Variants in SCFD2 observed in about 807,000 individuals in gnomAD.
The protein encoded by SCFD2 is sec1 family domain containing 2.
SCFD2 carries 54 observed loss-of-function variants against 58.9 expected under a neutral mutation model. The observed-to-expected ratio is 0.92, with a 90% CI of 0.74 to 1.15. The LOEUF is 1.15. Ranked by LOEUF, SCFD2 falls within the 50% of genes most tolerant of loss-of-function variation. The pLI, the probability that SCFD2 is intolerant of heterozygous loss-of-function variation, is 0.00. For missense variants in SCFD2, 805 were observed against 836.6 expected (o/e 0.96, Z 0.47); for synonymous variants, 321 against 335.9 (o/e 0.96, Z 0.49).
At chr4:52,962,166 G>A (rs1035933273) in intron 5 of SCFD2, among the ~76,000 whole-genome samples, 2 of 152,144 alleles carry the variant, frequency 1.3e-5, no homozygotes, top group Admixed American at 6.5e-5. Flanking sequence ...CCTGCATATG[G>A]GTTGGACAAG....
chr4:52,897,224 T>C (rs1719042304), intron 7 of SCFD2, among the ~76,000 whole-genome samples: 1 of 152,244 alleles, frequency 6.6e-6, no homozygotes, highest in African/African-American at 2.4e-5. Flanking sequence ...AGGGCATCCC[T>C]GTCTTGTGCC....
chr4:53,234,687 T>C (rs1429512908), intron 4 of SCFD2, among the ~76,000 whole-genome samples: 1 of 152,224 alleles, frequency 6.6e-6, no homozygotes, highest in Admixed American at 6.5e-5. Flanking sequence ...ACACCCAGAA[T>C]CTGGCGACGT....
At chr4:53,005,908 C>G (rs563454793) in intron 5 of SCFD2, among the ~76,000 whole-genome samples, 24 of 152,210 alleles carry the variant, frequency 1.6e-4, no homozygotes, top group African/African-American at 5.5e-4. Flanking sequence ...AGAACTTGCC[C>G]TTTAATAAGC....
chr4:53,180,872 C>A (rs1316726886), intron 4 of SCFD2, among the ~76,000 whole-genome samples: 6 of 152,178 alleles, frequency 3.9e-5, no homozygotes, highest in African/African-American at 1.4e-4. Context: ...ACACTATAAA[C>A]ACCTCTACGC....
chr4:53,348,706 C>T (rs553875075), intron 2 of SCFD2, among the ~76,000 whole-genome samples: 3 of 150,840 alleles, frequency 2.0e-5, no homozygotes, highest in South Asian at 2.1e-4. Context: ...ATCTTTGACA[C>T]TTATGACCAT....
intron 5 of SCFD2, among the ~76,000 whole-genome samples, chr4:53,054,581 A>C (rs940261889): frequency 3.3e-5 from 5 of 152,142 alleles, no homozygotes; most frequent in Non-Finnish European, 7.4e-5. Context: ...CTTCTAGAAT[A>C]TAAGAAGCCA....
Position 53,073,382 on chromosome 4 carries a change from A to G in SCFD2, c.1561+71951T>C, listed in dbSNP as rs575826544. ...CTCTGGAAATGCACAAGGCTTTGAAACTTTTTCACTTTCTATTGCTTGGAT... is the reference window on the plus strand; with the variant it reads ...CTCTGGAAATGCACAAGGCTTTGAAGCTTTTTCACTTTCTATTGCTTGGAT... On this transcript the variant is annotated intron_variant, in intron 5 of 8. Transcript: ENST00000401642. 3.3e-5 allele frequency among the ~76,000 whole-genome samples: 5 copies of G among 152,198 alleles called. No homozygotes were observed. The South Asian group carries it at 1.0e-3, about 32-fold the overall frequency.
intron 5 of SCFD2, among the ~76,000 whole-genome samples, chr4:52,977,221 C>A (rs976855467): frequency 2.0e-5 from 3 of 152,092 alleles, no homozygotes; most frequent in Non-Finnish European, 4.4e-5. Flanking sequence ...ATAAGAAATT[C>A]AATTGTTTTT....
chr4:53,260,030 G>T lies in SCFD2; in HGVS notation c.1311+13796C>A, dbSNP rs565019586. Among the ~76,000 whole-genome samples the T allele has an allele frequency of 2.0e-5, 3 of 151,564 alleles. No homozygotes were observed. The East Asian group carries it at 5.8e-4, about 29-fold the overall frequency. On this transcript the variant is annotated intron_variant, in intron 4 of 8. Transcript: ENST00000401642. ...TTGCTTCTCAGCTTGGTCGCTGCTG[G>T]TGTATAGCAAGGTATATAGTGGTTT...
At chr4:53,364,327 T>C (rs1427961803) in intron 1 of SCFD2, among the ~76,000 whole-genome samples, 1 of 152,216 alleles carries the variant, frequency 6.6e-6, no homozygotes, top group Non-Finnish European at 1.5e-5. Context: ...TTCCGATTAT[T>C]CTCCCTGGAC....
intron 5 of SCFD2, among the ~76,000 whole-genome samples, chr4:52,954,490 T>C (rs890705097): frequency 1.3e-5 from 2 of 152,182 alleles, no homozygotes; most frequent in Non-Finnish European, 2.9e-5. Context: ...TAATCTTAAC[T>C]TGAAAATATT....
chr4:53,006,419 T>C (rs1488068035), intron 5 of SCFD2, among the ~76,000 whole-genome samples: 2 of 152,190 alleles, frequency 1.3e-5, no homozygotes, highest in African/African-American at 2.4e-5. Context: ...TCATCAAAAA[T>C]AGGGGCAATA....
At chr4:53,002,924 A>C (rs1021399686) in intron 5 of SCFD2, among the ~76,000 whole-genome samples, 9 of 152,210 alleles carry the variant, frequency 5.9e-5, no homozygotes, top group African/African-American at 2.2e-4. Context: ...GATATCTTAC[A>C]TGGTGGGAGT....
chr4:52,956,475 A>G (rs985677490), intron 5 of SCFD2: 1 of 343,910 alleles, frequency 2.9e-6, no homozygotes, highest in African/African-American at 2.2e-5. Flanking sequence ...GGACAGTGCA[A>G]CGAGGACTTG....
chr4:52,959,927 T>TACACACACACACAC (rs773748716), intron 5 of SCFD2, among the ~76,000 whole-genome samples: 24 of 116,030 alleles, frequency 2.1e-4, no homozygotes, highest in African/African-American at 4.9e-4. Flanking sequence ...CACACACACT[T>TACACACACACACAC]GAATCACCTA....
intron 4 of SCFD2, among the ~76,000 whole-genome samples, chr4:53,212,750 T>A (rs1309308471): frequency 6.6e-6 from 1 of 152,024 alleles, no homozygotes; most frequent in African/African-American, 2.4e-5. Context: ...TTATATGGGA[T>A]CATTTTTTCT....
intron 4 of SCFD2, among the ~76,000 whole-genome samples, chr4:53,263,676 G>C (rs1172187437): frequency 6.6e-6 from 1 of 152,220 alleles, no homozygotes; most frequent in East Asian, 1.9e-4. Flanking sequence ...TGGACTCTGT[G>C]AGGGTCCTTG....
intron 4 of SCFD2, among the ~76,000 whole-genome samples, chr4:53,263,990 G>A (rs1054762589): frequency 6.6e-6 from 1 of 152,110 alleles, no homozygotes; most frequent in African/African-American, 2.4e-5. Flanking sequence ...GGGAGATGGT[G>A]GTATAGTTCC....
intron 5 of SCFD2, among the ~76,000 whole-genome samples, chr4:52,979,065 T>TGC (rs1553912519): frequency 3.4e-5 from 5 of 146,892 alleles, no homozygotes; most frequent in East Asian, 2.0e-4. Flanking sequence ...GGCCTTTTTT[T>TGC]GGGGGGGGGA....
Sources: allele counts gnomAD v4.1 joint callset (sites outside exome capture counted in the v4.1 genomes callset), GRCh38; gene constraint gnomAD v4.1.1; transcripts MANE v1.5; gene names NCBI Gene and HGNC (gene_info 2026-07-23, HGNC 2026-07-21).